The following PGAP2 variants were observed in gnomAD, a reference collection of about 807,000 sequenced individuals.
The protein encoded by PGAP2 is acyltransferase PGAP2.
A neutral mutation model predicts 33.2 loss-of-function variants in PGAP2; 21 were observed. The ratio of observed to expected loss-of-function variants is 0.63; its 90% CI spans 0.45 to 0.91. The LOEUF (loss-of-function observed/expected upper bound fraction) is 0.91, where lower values mean the gene tolerates loss of function less well. Among genes scored for constraint, PGAP2 ranks in the 40% least tolerant of loss-of-function variants. The pLI is 0.00. For missense variants in PGAP2, 345 were observed against 424.0 expected (o/e 0.81, Z 1.64); for synonymous variants, 161 against 172.9 (o/e 0.93, Z 0.54).
At position 3,811,283 on chromosome 11, in the gene PGAP2, G is replaced by T. The variant is rs769094138; in HGVS notation, c.24G>T (p.Leu8=). 3.1e-6 allele frequency: 5 copies of T among 1,613,928 alleles called. No homozygotes were observed. The East Asian group carries it at 1.1e-4, about 36-fold the overall frequency. The change falls in exon 2 of 7, where the codon CTG becomes CTT. Residue 8 remains leucine (L), a synonymous_variant. Coordinates refer to ENST00000278243, the MANE Select transcript of PGAP2 (RefSeq NM_014489.4). The surrounding 1 kb of genome is among the most constrained non-coding windows in gnomAD (Gnocchi z 4.6). MYQVPLP[L]DRDGTLVRLR... ...AGATGTACCAGGTCCCACTACCACTGGATCGGGATGGGACCCTGGTACGGC... is the reference window on the plus strand; with the variant it reads ...AGATGTACCAGGTCCCACTACCACTTGATCGGGATGGGACCCTGGTACGGC...
chr11:3,822,892 TCTC>T lies in PGAP2; in HGVS notation c.349-988_349-986del, dbSNP rs1200406608. On this transcript the variant is annotated intron_variant, in intron 3 of 6. Coordinates refer to ENST00000278243, the MANE Select transcript of PGAP2 (RefSeq NM_014489.4). ...CAGTCCCTGCAGCTGTGTATTATCTTCTCCTTTTTCCTTAAGGACTGAAGCTTC... is the reference window on the plus strand; with the variant it reads ...CAGTCCCTGCAGCTGTGTATTATCTTCTTTTTCCTTAAGGACTGAAGCTTC... The T allele has an allele frequency of 1.0e-5, 14 of 1,396,652 alleles. No homozygotes were observed. The East Asian group carries it at 2.3e-4, about 22-fold the overall frequency. The allele number at this position is 1,396,652 out of a possible 1,614,324, so 86.5% of individuals were successfully genotyped here. A position where few individuals can be genotyped will look rare whatever the true frequency, so the allele number is the denominator to read the frequency against.
chr11:3,800,811 C>CAAA (rs1162584142), intron 1 of PGAP2, among the ~76,000 whole-genome samples: 1 of 67,098 alleles, frequency 1.5e-5, no homozygotes, highest in African/African-American at 6.4e-5. Context: ...GACTCCGTCT[C>CAAA]AAAAAAAAAA....
At position 3,811,336 on chromosome 11, in the gene PGAP2, C is replaced by T. The variant is rs2085519280; in HGVS notation, c.77C>T (p.Thr26Met). The T allele has an allele frequency of 1.2e-5, 20 of 1,613,960 alleles. No individual in the cohort carries two copies. Among genetic ancestry groups the T allele is most frequent in the Non-Finnish European group, 1.4e-5 (17 of 1,179,954 alleles). ...RLRFTMVALV[T>M]VCCPLVAFLF... ...CGCTTCACCATGGTGGCCCTGGTCA[C>T]GGTCTGCTGTCCACTTGTCGCCTTC... The change falls in exon 2 of 7, where the codon ACG becomes ATG. Residue 26 changes from threonine (T) to methionine (M), a missense_variant. Coordinates refer to ENST00000278243, the MANE Select transcript of PGAP2 (RefSeq NM_014489.4). This position sits in a 1 kb window ranked among gnomAD's most constrained non-coding sequence, Gnocchi z 4.6.
Position 3,824,323 on chromosome 11 carries a change from C to T in PGAP2, c.655C>T (p.Leu219Phe), listed in dbSNP as rs527484411. Residue 219 changes from leucine (L) to phenylalanine (F), a missense_variant, in exon 5 of 7, where the codon CTC becomes TTC. Physicochemically the swap from Leu to Phe is conservative, Grantham distance 22. Around this residue, in one of 2 missense-constraint regions of PGAP2, gnomAD observed 311 missense variants for 353.6 expected, o/e 0.88. Coordinates refer to ENST00000278243, the MANE Select transcript of PGAP2 (RefSeq NM_014489.4). Reference protein sequence around the residue: ...VFIASSLGHMLLTCILWRLTK... With the variant: ...VFIASSLGHMFLTCILWRLTK... ...CATTGCCTCATCCCTCGGGCACATG[C>T]TCCTCACCTGCATTCTCTGGCGGTT... The T allele has an allele frequency of 1.9e-6, 3 of 1,614,240 alleles. No homozygotes were observed. The South Asian group carries it at 3.3e-5, about 18-fold the overall frequency.
Position 3,802,818 on chromosome 11 carries a change from TTTTG to T in PGAP2, c.139+4840_139+4843del, listed in dbSNP as rs1239902822. ...CATGGGCAGAATACTTTGTATTTTG[TTTTG>T]TTTCTTTTTTTTTTTTTTTTTTGAG... On this transcript the variant is annotated intron_variant, in intron 1 of 6. Transcript: ENST00000300730. Among the ~76,000 whole-genome samples, 6 of 112,732 alleles carry T rather than the reference TTTTG, an allele frequency of 5.3e-5. No individual in the cohort carries two copies. In the South Asian group the frequency reaches 9.2e-4, roughly 17 times the overall value. The allele number at this position is 112,732 out of a possible 152,430, so 74.0% of individuals were successfully genotyped here.
intron 3 of PGAP2, among the ~76,000 whole-genome samples, chr11:3,820,785 T>C (rs977156795): frequency 6.6e-6 from 1 of 152,192 alleles, no homozygotes; most frequent in Non-Finnish European, 1.5e-5. Flanking sequence ...ATTATGCCAC[T>C]GTACTCCAGC....
upstream of PGAP2, among the ~76,000 whole-genome samples, chr11:3,803,944 C>A (rs926519336): frequency 5.3e-5 from 8 of 151,972 alleles, no homozygotes; most frequent in Non-Finnish European, 1.2e-4. Flanking sequence ...GCGCGTGCCA[C>A]CACGCCTGGC....
At position 3,825,801 on chromosome 11, in the gene PGAP2, G is replaced by A; in HGVS notation, c.*343G>A. Reference sequence around the variant, plus strand: ...CACAGTCACCTTTCACTGAGGTCAGGAGCCCCTGAGCAGTGGCTGCTCCCT... The same window carrying A: ...CACAGTCACCTTTCACTGAGGTCAGAAGCCCCTGAGCAGTGGCTGCTCCCT... On this transcript the variant is annotated 3_prime_UTR_variant, in exon 7 of 7. Coordinates refer to ENST00000278243, the MANE Select transcript of PGAP2 (RefSeq NM_014489.4). The A allele has an allele frequency of 4.7e-6, 1 of 212,208 alleles. No individual in the cohort carries two copies. Among genetic ancestry groups the A allele is most frequent in the South Asian group, 7.8e-5 (1 of 12,892 alleles). 13.1% of individuals were successfully genotyped at this position (212,208 alleles called of 1,614,324 possible).
rs759528179 is a variant in PGAP2, at chr11:3,823,969, C to T, written c.435C>T (p.His145=). 1 of 1,612,134 alleles carries T rather than the reference C, an allele frequency of 6.2e-7. No individual in the cohort carries two copies. Among genetic ancestry groups the T allele is most frequent in the Non-Finnish European group, 8.5e-7 (1 of 1,180,002 alleles). Reference sequence around the variant, plus strand: ...TGTGGCGTTTCTGCATCGGCCTGCACTCGGCGCCTCGCTTCTTGGTGGCCT... The same window carrying T: ...TGTGGCGTTTCTGCATCGGCCTGCATTCGGCGCCTCGCTTCTTGGTGGCCT... ...RYVWRFCIGL[H]SAPRFLVAFA... is the part of the protein sequence containing the mutation. Residue 145 remains histidine, a synonymous_variant, in exon 4 of 7, where the codon CAC becomes CAT. Transcript: ENST00000278243.
intron 2 of PGAP2, among the ~76,000 whole-genome samples, chr11:3,813,044 G>T (rs769755371): frequency 1.3e-5 from 2 of 152,180 alleles, no homozygotes; most frequent in African/African-American, 2.4e-5. Flanking sequence ...ACCCTGCCCC[G>T]CTAGCTCTAA....
chr11:3,798,039 T>C (rs978319419), intron 1 of PGAP2: 6 of 1,529,586 alleles, frequency 3.9e-6, no homozygotes, highest in African/African-American at 2.8e-5. Flanking sequence ...GAAGGCTTCC[T>C]AGTCTCTCTG....
chr11:3,814,454 G>C (rs542179436), intron 2 of PGAP2, among the ~76,000 whole-genome samples: 1 of 152,084 alleles, frequency 6.6e-6, no homozygotes, highest in East Asian at 1.9e-4. Context: ...ACGGGGTTTC[G>C]TCATGTTGGC....
chr11:3,804,812 C>T (rs1160985685), upstream of PGAP2, among the ~76,000 whole-genome samples: 1 of 152,120 alleles, frequency 6.6e-6, no homozygotes, highest in African/African-American at 2.4e-5. Context: ...AGCAATTCTC[C>T]TGCTTTAGCC....
chr11:3,817,837 A>G (rs1306602071), intron 3 of PGAP2: 1 of 540,134 alleles, frequency 1.9e-6, no homozygotes, highest in Non-Finnish European at 3.5e-6. Flanking sequence ...ACTCGAGTTC[A>G]GTTCGAGACC....
At position 3,802,830 on chromosome 11, in the gene PGAP2, T is replaced by C. The variant is rs1489256550; in HGVS notation, c.139+4848T>C. ...ACTTTGTATTTTGTTTTGTTTCTTT[T>C]TTTTTTTTTTTTTTGAGATGGAGAC... is the stretch of plus-strand genomic sequence containing the variant. On this transcript the variant is annotated intron_variant, in intron 1 of 6. Transcript: ENST00000300730. Among the ~76,000 whole-genome samples the C allele has an allele frequency of 6.6e-4, 6 of 9,052 alleles. No individual in the cohort carries two copies. The South Asian group carries it at 8.9e-3, about 13-fold the overall frequency. 5.9% of individuals were successfully genotyped at this position (9,052 alleles called of 152,430 possible).
At chr11:3,808,069 G>A (rs2084747529), upstream of PGAP2, 17 of 1,117,932 alleles carry the variant, frequency 1.5e-5, no homozygotes, top group Non-Finnish European at 2.1e-5. Context: ...TGCCTCACCG[G>A]GTCTCACTGC....
chr11:3,809,173 G>A (rs1159576179), intron 1 of PGAP2, among the ~76,000 whole-genome samples: 1 of 152,144 alleles, frequency 6.6e-6, no homozygotes, highest in African/African-American at 2.4e-5. Flanking sequence ...GTTCAGACTC[G>A]AGGCTGAGGA....
At chr11:3,808,952 G>C (rs1216272954) in intron 1 of PGAP2, among the ~76,000 whole-genome samples, 1 of 152,182 alleles carries the variant, frequency 6.6e-6, no homozygotes, top group Non-Finnish European at 1.5e-5. Flanking sequence ...GAACCCCATA[G>C]AGTAGTTTTG....
intron 3 of PGAP2, 42 bp downstream of exon 3, chr11:3,817,577 G>T (rs2087359647): frequency 6.6e-7 from 1 of 1,521,346 alleles, no homozygotes; most frequent in African/African-American, 1.4e-5. Context: ...GGCCAGGTCA[G>T]GAGGTGGCAG....
Sources: allele counts gnomAD v4.1 joint callset (sites outside exome capture counted in the v4.1 genomes callset), GRCh38; gene constraint gnomAD v4.1.1; regional missense constraint gnomAD v4.1.1; non-coding constraint Gnocchi (gnomAD v3.1); transcripts MANE v1.5; gene names NCBI Gene and HGNC (gene_info 2026-07-23, HGNC 2026-07-21).